The following BTBD1 variants were observed in gnomAD, a reference collection of about 807,000 sequenced individuals.
BTBD1 encodes BTB/POZ domain-containing protein 1.
A neutral mutation model predicts 48.0 loss-of-function variants in BTBD1; 34 were observed. That is an observed-to-expected ratio of 0.71 (90% CI 0.54 to 0.94). The LOEUF is 0.94. BTBD1 is among the 40% of genes least tolerant of loss of function. The pLI is 0.00. For synonymous variants in BTBD1, 261 were observed against 242.1 expected (o/e 1.08, Z -0.72); for missense variants, 543 against 625.6 (o/e 0.87, Z 1.41).
At chr15:83,022,593 A>T (rs1381867029) in intron 5 of BTBD1, 2 of 151,596 alleles carry the variant, frequency 1.3e-5, no homozygotes, top group Non-Finnish European at 2.9e-5. Flanking sequence ...ATTGCTTAGA[A>T]CCCGGGAGGC....
chr15:83,051,589 A>T (rs1031372869), intron 2 of BTBD1, among the ~76,000 whole-genome samples: 1 of 151,288 alleles, frequency 6.6e-6, no homozygotes, highest in Admixed American at 6.6e-5. Flanking sequence ...TGTTTACAAT[A>T]ATTTGCTTTG....
intron 5 of BTBD1, among the ~76,000 whole-genome samples, chr15:83,023,658 T>C (rs1009422042): frequency 6.6e-6 from 1 of 152,138 alleles, no homozygotes; most frequent in Non-Finnish European, 1.5e-5. Flanking sequence ...CCAAAATGTT[T>C]TGATTACAGG....
chr15:83,056,888 G>A (rs2033096430), intron 1 of BTBD1, among the ~76,000 whole-genome samples: 1 of 151,858 alleles, frequency 6.6e-6, no homozygotes, highest in Non-Finnish European at 1.5e-5. Flanking sequence ...GTAGAGACAG[G>A]TTTCACCATA....
intron 2 of BTBD1, among the ~76,000 whole-genome samples, chr15:83,053,031 A>G (rs1033463171): frequency 1.3e-5 from 2 of 152,048 alleles, no homozygotes; most frequent in African/African-American, 2.4e-5. Flanking sequence ...TTTCTATAAA[A>G]ATTATCTTAT....
At chr15:83,063,896 A>G (rs1335544435) in intron 1 of BTBD1, among the ~76,000 whole-genome samples, 1 of 152,214 alleles carries the variant, frequency 6.6e-6, no homozygotes, top group Non-Finnish European at 1.5e-5. Flanking sequence ...ATTCATCAGT[A>G]CTTGACATTG....
chr15:83,024,998 G>T (rs994523342), intron 5 of BTBD1, among the ~76,000 whole-genome samples: 5 of 152,170 alleles, frequency 3.3e-5, no homozygotes, highest in Admixed American at 1.3e-4. Flanking sequence ...ACAATACTTT[G>T]TCTTGTCATC....
intron 5 of BTBD1, among the ~76,000 whole-genome samples, chr15:83,028,183 T>A (rs2032448993): frequency 6.6e-6 from 1 of 152,150 alleles, no homozygotes; most frequent in Admixed American, 6.5e-5. Flanking sequence ...AGCAAGGATA[T>A]CTCTATCTTG....
At chr15:83,059,946 C>T (rs1243596634) in intron 1 of BTBD1, among the ~76,000 whole-genome samples, 5 of 152,122 alleles carry the variant, frequency 3.3e-5, no homozygotes, top group Non-Finnish European at 5.9e-5. Flanking sequence ...TATTTCTTAC[C>T]CTTGTGTTTC....
At chr15:83,051,118 G>C (rs962502354) in intron 2 of BTBD1, among the ~76,000 whole-genome samples, 6 of 151,984 alleles carry the variant, frequency 3.9e-5, no homozygotes, top group African/African-American at 1.4e-4. Context: ...GAAAAAGGAG[G>C]TATGATGATA....
At position 83,067,056 on chromosome 15, in the gene BTBD1, G is replaced by C. The variant is rs755023463; in HGVS notation, c.96C>G (p.Ser32=). Residue 32 remains serine (S), a synonymous_variant, in exon 1 of 8, where the codon TCC becomes TCG. Transcript: ENST00000261721. The part of the protein sequence containing the change: ...PAGPPPPPSP[S]SLGPLLPLQR... ...GCAGGGGGAGCAGGGGCCCCAGAGA[G>C]GACGGTGAGGGCGGCGGCGGCGGCC... is the stretch of plus-strand genomic sequence containing the variant. 3.2e-6 allele frequency: 5 copies of C among 1,575,336 alleles called. No individual in the cohort carries two copies. The South Asian group carries it at 5.7e-5, about 18-fold the overall frequency.
rs1288095080 is a variant in BTBD1 at position 83,030,300 on chromosome 15, A to G, written c.891T>C (p.Asp297=). 6.2e-7 allele frequency: 1 copy of G among 1,614,000 alleles called. No homozygotes were observed. Among genetic ancestry groups the G allele is most frequent in the African/African-American group, 1.3e-5 (1 of 74,924 alleles). ...AGPAQSGILS[D]REVVNLFLHF... The stretch of plus-strand genomic sequence containing the variant: ...GAAGAAAGAGGTTTACCACTTCACG[A>G]TCTGACAAAATTCCAGATTGAGCAG... The change falls in exon 5 of 8, where the codon GAT becomes GAC. Residue 297 remains aspartate (D), a synonymous_variant. Transcript: ENST00000261721.
At chr15:83,052,573 T>C (rs1328990625) in intron 2 of BTBD1, among the ~76,000 whole-genome samples, 3 of 152,028 alleles carry the variant, frequency 2.0e-5, no homozygotes, top group African/African-American at 7.2e-5. Flanking sequence ...ATCACAGTTA[T>C]ACATTTTCAA....
At chr15:83,063,649 C>G (rs917955585) in intron 1 of BTBD1, among the ~76,000 whole-genome samples, 2 of 152,186 alleles carry the variant, frequency 1.3e-5, no homozygotes, top group South Asian at 4.1e-4. Context: ...TCAAAACTCT[C>G]CAAAGGCTTT....
At chr15:83,048,648 G>T (rs79790376) in intron 3 of BTBD1, among the ~76,000 whole-genome samples, 1,602 of 152,184 alleles carry the variant, frequency 0.011, 25 homozygotes, top group African/African-American at 0.037. Context: ...TCAACGTATG[G>T]GTTCTTGGAA....
chr15:83,020,465 T>C (rs1049749617), intron 6 of BTBD1: 1 of 464,892 alleles, frequency 2.2e-6, no homozygotes, highest in Non-Finnish European at 3.8e-6. Flanking sequence ...GCTCCTTATA[T>C]GCTACTGCTT....
At chr15:83,050,919 A>G (rs535109357) in intron 2 of BTBD1, among the ~76,000 whole-genome samples, 79 of 152,318 alleles carry the variant, frequency 5.2e-4, no homozygotes, top group Middle Eastern at 3.4e-3. Context: ...ATATATAATG[A>G]GCAAGAATAT....
At chr15:83,046,194 G>A (rs1057357803) in intron 3 of BTBD1, among the ~76,000 whole-genome samples, 4 of 151,966 alleles carry the variant, frequency 2.6e-5, no homozygotes, top group South Asian at 2.1e-4. Context: ...ACAGGAGTTC[G>A]AGACCTACCT....
At chr15:83,028,178 GGA>G (rs2032448671) in intron 5 of BTBD1, among the ~76,000 whole-genome samples, 1 of 152,062 alleles carries the variant, frequency 6.6e-6, no homozygotes, top group Non-Finnish European at 1.5e-5. Context: ...TAAACAGCAA[GGA>G]TATCTCTATC....
intron 5 of BTBD1, among the ~76,000 whole-genome samples, chr15:83,021,970 G>A (rs2032308788): frequency 6.6e-6 from 1 of 151,918 alleles, no homozygotes; most frequent in African/African-American, 2.4e-5. Flanking sequence ...TTTAGTCATC[G>A]TAACAGCCCT....
Sources: gnomAD v4.1 joint callset for allele counts (sites outside exome capture counted in the v4.1 genomes callset) on GRCh38, gnomAD v4.1.1 for gene constraint, MANE v1.5 for transcripts, NCBI Gene and HGNC (gene_info 2026-07-23, HGNC 2026-07-21) for gene names.